Variants in ATG10 observed in about 807,000 individuals in gnomAD.
The protein encoded by ATG10 is autophagy related 10, also known as ubiquitin-like-conjugating enzyme ATG10.
Under a neutral mutation model 32.1 loss-of-function variants are expected in ATG10, and 30 were observed. The ratio of observed to expected loss-of-function variants is 0.94; its 90% CI spans 0.70 to 1.27. The LOEUF (loss-of-function observed/expected upper bound fraction) is 1.27. Ranked by LOEUF, ATG10 falls within the 50% of genes most tolerant of loss-of-function variation. The pLI is 0.00. For missense variants in ATG10, 233 were observed against 262.3 expected, an observed-to-expected ratio of 0.89 and a Z score of 0.77; for synonymous variants, 87 against 91.5, an observed-to-expected ratio of 0.95 and a Z score of 0.28.
chr5:81,982,714 T>TC lies in ATG10; in HGVS notation c.-12-4843dup, dbSNP rs565711625. 2.6e-5 allele frequency among the ~76,000 whole-genome samples: 4 copies of TC among 152,274 alleles called. No individual in the cohort carries two copies. The South Asian group carries it at 8.3e-4, about 32-fold the overall frequency. ...TCCTAGGCAGAGGACCCTGCGGCCT[T>TC]CCGCAGTGTTTGTGTCCCTGATTAC... On this transcript the variant is annotated intron_variant, in intron 1 of 7. Transcript: ENST00000282185.
In ATG10 at chr5:82,015,385, T is replaced by C. The variant is rs190254379; in HGVS notation, c.108+27707T>C. Among the ~76,000 whole-genome samples, 295 of 152,330 alleles carry C rather than the reference T, an allele frequency of 1.9e-3. 1 individual carries two copies. Among genetic ancestry groups the C allele is most frequent in the African/African-American group, 6.7e-3 (277 of 41,578 alleles). Reference sequence around the variant, plus strand: ...TTGAATATTGGCCTGCCTTGCTAGGTTGGGGAAGTTCTCCTGGATAATATC... The same window carrying C: ...TTGAATATTGGCCTGCCTTGCTAGGCTGGGGAAGTTCTCCTGGATAATATC... On this transcript the variant is annotated intron_variant, in intron 2 of 7. Transcript: ENST00000282185.
chr5:82,123,489 A>G (rs113369638), intron 3 of ATG10, among the ~76,000 whole-genome samples: 72 of 152,158 alleles, frequency 4.7e-4, no homozygotes, highest in African/African-American at 1.6e-3. Context: ...CTATATAACA[A>G]AACTTCACAT....
At chr5:81,972,771 C>T (rs1355980041) in intron 1 of ATG10, among the ~76,000 whole-genome samples, 1 of 151,456 alleles carries the variant, frequency 6.6e-6, no homozygotes, top group Non-Finnish European at 1.5e-5. Context: ...TTTTTTTAAA[C>T]CTCCCAAAAA....
chr5:82,177,814 C>T (rs954391433), intron 4 of ATG10, among the ~76,000 whole-genome samples: 2 of 152,086 alleles, frequency 1.3e-5, no homozygotes, highest in East Asian at 1.9e-4. Context: ...ATGCCAACCC[C>T]GTTCTCTTGT....
chr5:82,205,545 G>A (rs183377311), intron 5 of ATG10, among the ~76,000 whole-genome samples: 31 of 152,272 alleles, frequency 2.0e-4, no homozygotes, highest in African/African-American at 7.2e-4. Context: ...AGCTATAGAC[G>A]ACAAAATATG....
chr5:82,211,805 C>T (rs958762119), intron 5 of ATG10, among the ~76,000 whole-genome samples: 13 of 152,328 alleles, frequency 8.5e-5, no homozygotes, highest in Middle Eastern at 3.4e-3. Context: ...TCCATTAATG[C>T]CTCTGCTTCT....
chr5:82,139,679 C>A (rs1351763746), intron 3 of ATG10, among the ~76,000 whole-genome samples: 8 of 143,700 alleles, frequency 5.6e-5, no homozygotes, highest in Non-Finnish European at 7.7e-5. Flanking sequence ...GGAGCGTCTC[C>A]GCCCGGCAGC....
intron 5 of ATG10, among the ~76,000 whole-genome samples, chr5:82,243,628 T>G (rs1057347164): frequency 2.0e-5 from 3 of 152,148 alleles, no homozygotes; most frequent in Non-Finnish European, 4.4e-5. Flanking sequence ...CTTCTATGCA[T>G]TTAAATATCA....
chr5:82,181,048 C>T (rs1744211663), intron 5 of ATG10, among the ~76,000 whole-genome samples: 1 of 152,138 alleles, frequency 6.6e-6, no homozygotes, highest in Non-Finnish European at 1.5e-5. Flanking sequence ...AGTTATTTCA[C>T]TGTCACACAG....
intron 1 of ATG10, among the ~76,000 whole-genome samples, chr5:81,978,755 G>A (rs1328239907): frequency 6.6e-6 from 1 of 152,038 alleles, no homozygotes; most frequent in African/African-American, 2.4e-5. Context: ...TGAATTCCTA[G>A]CCTCAAGTGA....
At chr5:82,238,267 T>G (rs1303611262) in intron 5 of ATG10, among the ~76,000 whole-genome samples, 1 of 152,172 alleles carries the variant, frequency 6.6e-6, no homozygotes, top group Non-Finnish European at 1.5e-5. Flanking sequence ...TCCCTCCGAA[T>G]GGTGAAATTA....
intron 3 of ATG10, among the ~76,000 whole-genome samples, chr5:82,112,859 A>G (rs1392390401): frequency 2.0e-5 from 3 of 151,968 alleles, no homozygotes; most frequent in African/African-American, 7.2e-5. Flanking sequence ...TTGGAGAACC[A>G]TATTGTGCAA....
At chr5:82,105,795 C>T (rs540438492) in intron 3 of ATG10, among the ~76,000 whole-genome samples, 8 of 152,220 alleles carry the variant, frequency 5.3e-5, no homozygotes, top group Admixed American at 3.3e-4. Context: ...TCAAGAATCT[C>T]GGCACAAGAA....
At chr5:82,183,120 C>A (rs1744298664) in intron 5 of ATG10, among the ~76,000 whole-genome samples, 1 of 150,808 alleles carries the variant, frequency 6.6e-6, no homozygotes, top group Non-Finnish European at 1.5e-5. Context: ...GGTAAGGACT[C>A]AAAAAAAACA....
intron 5 of ATG10, among the ~76,000 whole-genome samples, chr5:82,217,888 G>T (rs1745750918): frequency 6.6e-6 from 1 of 151,806 alleles, no homozygotes; most frequent in South Asian, 2.1e-4. Flanking sequence ...GAGGTAGGAG[G>T]CTCGCTTGAC....
chr5:82,238,612 T>C (rs1224297213), intron 5 of ATG10, among the ~76,000 whole-genome samples: 4 of 152,202 alleles, frequency 2.6e-5, no homozygotes, highest in African/African-American at 9.7e-5. Context: ...GTATTTAGTG[T>C]GCAAATATTT....
Position 81,995,090 on chromosome 5 carries a change from C to G in ATG10, c.108+7412C>G, listed in dbSNP as rs543171080. Among the ~76,000 whole-genome samples the G allele has an allele frequency of 2.1e-3, 318 of 152,046 alleles. 2 individuals are homozygous for G. Among genetic ancestry groups the G allele is most frequent in the South Asian group, 0.012 (60 of 4,818 alleles). Reference sequence around the variant, plus strand: ...TTTCACCTTGTTTTTGAGATGCAACCTTTGAGGATATTTTTCAGAAATTTC... The same window carrying G: ...TTTCACCTTGTTTTTGAGATGCAACGTTTGAGGATATTTTTCAGAAATTTC... On this transcript the variant is annotated intron_variant, in intron 2 of 7. Coordinates refer to ENST00000282185, the MANE Select transcript of ATG10 (RefSeq NM_031482.5).
chr5:82,048,877 T>C (rs538713735), intron 2 of ATG10, among the ~76,000 whole-genome samples: 108 of 152,132 alleles, frequency 7.1e-4, no homozygotes, highest in South Asian at 1.9e-3. Flanking sequence ...AGAATGGCAA[T>C]CATTAAAAAG....
At chr5:82,004,102 C>T (rs1761923730) in intron 2 of ATG10, among the ~76,000 whole-genome samples, 1 of 151,114 alleles carries the variant, frequency 6.6e-6, no homozygotes. Flanking sequence ...TACTGCATTC[C>T]AGCCTGCTCT....
Sources: allele counts gnomAD v4.1 joint callset (sites outside exome capture counted in the v4.1 genomes callset), GRCh38; gene constraint gnomAD v4.1.1; transcripts MANE v1.5; gene names NCBI Gene and HGNC (gene_info 2026-07-23, HGNC 2026-07-21).